The following FSTL5 variants were observed in gnomAD, a reference collection of about 807,000 sequenced individuals.
FSTL5 encodes the protein follistatin-related protein 5.
FSTL5 carries 62 observed loss-of-function variants against 89.1 expected under a neutral mutation model. The ratio of observed to expected loss-of-function variants is 0.70; its 90% CI spans 0.57 to 0.86. FSTL5 has a LOEUF of 0.86. Ranked by LOEUF, FSTL5 falls within the 40% of genes least tolerant of loss-of-function variation. The pLI is 0.00. For missense variants in FSTL5, 1,057 were observed against 1,001.6 expected, an observed-to-expected ratio of 1.06 and a Z score of -0.75; for synonymous variants, 383 against 346.2, an observed-to-expected ratio of 1.11 and a Z score of -1.18.
At chr4:161,936,597 C>G (rs564219334) in intron 3 of FSTL5, among the ~76,000 whole-genome samples, 1 of 152,164 alleles carries the variant, frequency 6.6e-6, no homozygotes, top group Non-Finnish European at 1.5e-5. Context: ...TTAGCAATAC[C>G]AAGTACCGCA....
At chr4:161,523,787 TAATA>T (rs1377184582) in intron 10 of FSTL5, among the ~76,000 whole-genome samples, 2 of 152,160 alleles carry the variant, frequency 1.3e-5, no homozygotes, top group African/African-American at 4.8e-5. Flanking sequence ...CCTCCCTTGG[TAATA>T]AATAAAATAC....
At chr4:162,015,536 C>A (rs1007716017) in intron 3 of FSTL5, among the ~76,000 whole-genome samples, 2 of 152,140 alleles carry the variant, frequency 1.3e-5, no homozygotes, top group African/African-American at 4.8e-5. Context: ...TTAGCCTGAA[C>A]CCAGAAAGAA....
chr4:161,539,410 G>T (rs1731742995), intron 9 of FSTL5, among the ~76,000 whole-genome samples: 1 of 152,108 alleles, frequency 6.6e-6, no homozygotes, highest in Non-Finnish European at 1.5e-5. Context: ...ATATGGACAG[G>T]CAGTGGATGT....
intron 6 of FSTL5, among the ~76,000 whole-genome samples, chr4:161,680,357 T>C (rs992932464): frequency 6.6e-6 from 1 of 151,934 alleles, no homozygotes; most frequent in African/African-American, 2.4e-5. Context: ...TATTCTTTAT[T>C]ACTTCCCTTA....
At chr4:161,783,821 A>G (rs1228315931) in intron 4 of FSTL5, among the ~76,000 whole-genome samples, 1 of 146,748 alleles carries the variant, frequency 6.8e-6, no homozygotes, top group Non-Finnish European at 1.5e-5. Flanking sequence ...GCAGTGGCAT[A>G]GTAGCATGAT....
intron 1 of FSTL5, among the ~76,000 whole-genome samples, chr4:162,143,213 A>G (rs977375493): frequency 1.3e-5 from 2 of 151,796 alleles, no homozygotes; most frequent in Admixed American, 6.6e-5. Flanking sequence ...TACTTAGGTC[A>G]TTTTGTTTCT....
intron 4 of FSTL5, among the ~76,000 whole-genome samples, chr4:161,816,335 T>C (rs1443672606): frequency 2.6e-5 from 4 of 152,232 alleles, no homozygotes; most frequent in Non-Finnish European, 5.9e-5. Context: ...TATTTCTTCA[T>C]TGGGTGAAAA....
At chr4:161,616,885 G>T (rs1030820722) in intron 7 of FSTL5, among the ~76,000 whole-genome samples, 1 of 150,458 alleles carries the variant, frequency 6.6e-6, no homozygotes, top group Non-Finnish European at 1.5e-5. Context: ...AAAACAAAAA[G>T]AAACCAGAGT....
At chr4:161,636,909 G>T in intron 7 of FSTL5, among the ~76,000 whole-genome samples, 1 of 98,006 alleles carries the variant, frequency 1.0e-5, no homozygotes, top group Non-Finnish European at 1.9e-5. Flanking sequence ...TGTGAATAAT[G>T]CCGCAATAAA....
At chr4:161,776,274 T>C (rs1289259338) in intron 4 of FSTL5, among the ~76,000 whole-genome samples, 200 bp from the exon 5 acceptor site, 2 of 152,072 alleles carry the variant, frequency 1.3e-5, no homozygotes, top group Non-Finnish European at 2.9e-5. Context: ...CTCTATCAAA[T>C]CTGATAACAA....
Position 161,644,252 on chromosome 4 carries a change from T to C in FSTL5, c.894+12076A>G, listed in dbSNP as rs182393499. Among the ~76,000 whole-genome samples the C allele has an allele frequency of 2.9e-4, 44 of 152,118 alleles. No homozygotes were observed. In the East Asian group the frequency reaches 6.4e-3, roughly 22 times the overall value. ...TTCAAGAACAGTAGTAATGGTTGGG[T>C]ACGGTGGCTCAAGCCTGTAATCCCA... is the stretch of plus-strand genomic sequence containing the variant. On this transcript the variant is annotated intron_variant, in intron 7 of 15. Coordinates refer to ENST00000306100, the MANE Select transcript of FSTL5 (RefSeq NM_020116.5).
chr4:161,735,282 A>G (rs1450951936), intron 6 of FSTL5, among the ~76,000 whole-genome samples: 1 of 152,148 alleles, frequency 6.6e-6, no homozygotes, highest in African/African-American at 2.4e-5. Flanking sequence ...ATGCCTTCCC[A>G]AGCACACCAC....
intron 3 of FSTL5, among the ~76,000 whole-genome samples, chr4:161,946,487 G>T (rs536165464): frequency 2.0e-5 from 3 of 152,186 alleles, no homozygotes; most frequent in Admixed American, 1.3e-4. Context: ...GATGCCTTCA[G>T]GTGTGATTGA....
At position 161,853,327 on chromosome 4, in the gene FSTL5, G is replaced by C. The variant is rs552861973; in HGVS notation, c.409+67077C>G. On this transcript the variant is annotated intron_variant, in intron 4 of 15. Transcript: ENST00000306100. ...CTGTTGCCCAGGCTGGCGTGCAGTG[G>C]CACGATCTCGGCTCACTGCAACCTC... Among the ~76,000 whole-genome samples, 26 of 152,120 alleles carry C rather than the reference G, an allele frequency of 1.7e-4. No individual in the cohort carries two copies. In the South Asian group the frequency reaches 4.8e-3, roughly 28 times the overall value.
intron 11 of FSTL5, among the ~76,000 whole-genome samples, chr4:161,502,303 C>T (rs1396804603): frequency 1.3e-5 from 2 of 151,782 alleles, no homozygotes; most frequent in Non-Finnish European, 2.9e-5. Context: ...CACTAAATAC[C>T]ACTTAATCCA....
intron 4 of FSTL5, among the ~76,000 whole-genome samples, chr4:161,898,211 G>C (rs1418752517): frequency 6.6e-6 from 1 of 150,484 alleles, no homozygotes; most frequent in Non-Finnish European, 1.5e-5. Flanking sequence ...TTATCACACA[G>C]TATATTTATA....
At chr4:161,508,437 A>G (rs1421957683) in intron 11 of FSTL5, among the ~76,000 whole-genome samples, 1 of 152,168 alleles carries the variant, frequency 6.6e-6, no homozygotes, top group Non-Finnish European at 1.5e-5. Context: ...AGTATCTGTA[A>G]AATGTATCAT....
chr4:161,805,880 A>T (rs1206014821), intron 4 of FSTL5, among the ~76,000 whole-genome samples: 1 of 152,094 alleles, frequency 6.6e-6, no homozygotes, highest in Non-Finnish European at 1.5e-5. Flanking sequence ...ACCCTTGTCC[A>T]AAAATATTAC....
intron 15 of FSTL5, among the ~76,000 whole-genome samples, chr4:161,398,768 C>A (rs1459216286): frequency 6.6e-6 from 1 of 151,996 alleles, no homozygotes; most frequent in Non-Finnish European, 1.5e-5. Flanking sequence ...TAATAATTAG[C>A]ATGAAGGTTA....
Sources: allele counts gnomAD v4.1 joint callset (sites outside exome capture counted in the v4.1 genomes callset), GRCh38; gene constraint gnomAD v4.1.1; transcripts MANE v1.5; gene names NCBI Gene and HGNC (gene_info 2026-07-23, HGNC 2026-07-21).